Variants in DOCK1 observed in about 807,000 individuals in gnomAD.
DOCK1 encodes the protein dedicator of cytokinesis 1, also known as dedicator of cytokinesis protein 1.
Under a neutral mutation model 262.7 loss-of-function variants are expected in DOCK1, and 138 were observed. The observed-to-expected ratio is 0.53, with a 90% CI of 0.46 to 0.61. The LOEUF is 0.61. Among genes scored for constraint, DOCK1 ranks in the 20% least tolerant of loss-of-function variants. The pLI, the probability that DOCK1 is intolerant of heterozygous loss-of-function variation, is 0.00. For synonymous variants in DOCK1, 866 were observed against 867.4 expected (o/e 1.00, Z 0.03); for missense variants, 1,908 against 2,370.7 (o/e 0.80, Z 4.05).
rs2057317402 is a variant in DOCK1 at position 127,198,567 on chromosome 10, A to G, written c.2848-49441A>G. ...GACAGTGCTATCTGAGATTCGCATG[A>G]TGTATAACTCCAGGAAGAAAATGGA... On this transcript the variant is annotated intron_variant, in intron 27 of 51. Coordinates refer to ENST00000623213, the MANE Select transcript of DOCK1 (RefSeq NM_001290223.2). Among the ~76,000 whole-genome samples, 4 of 152,212 alleles carry G rather than the reference A, an allele frequency of 2.6e-5. No homozygotes were observed. The South Asian group carries it at 8.3e-4, about 31-fold the overall frequency.
At chr10:127,339,452 C>T (rs1265687071) in intron 30 of DOCK1, among the ~76,000 whole-genome samples, 1 of 152,078 alleles carries the variant, frequency 6.6e-6, no homozygotes, top group Non-Finnish European at 1.5e-5. Context: ...CAGGTCTGCA[C>T]CTCGAGCTCA....
intron 30 of DOCK1, 58 bp downstream of exon 30, chr10:127,339,142 G>C: frequency 1.4e-6 from 2 of 1,386,788 alleles, no homozygotes; most frequent in Non-Finnish European, 2.0e-6. Context: ...CAAATTGCTG[G>C]TCCGAGCCAG....
chr10:127,355,921 A>G (rs945931275), intron 32 of DOCK1, among the ~76,000 whole-genome samples: 1 of 152,208 alleles, frequency 6.6e-6, no homozygotes, highest in African/African-American at 2.4e-5. Flanking sequence ...GTTCTCAGGA[A>G]TGGAAAGCCA....
chr10:127,168,366 G>A (rs557441162), intron 27 of DOCK1, among the ~76,000 whole-genome samples: 2 of 152,398 alleles, frequency 1.3e-5, no homozygotes, highest in Admixed American at 6.5e-5. Flanking sequence ...AATAGGGAGT[G>A]CTAAGGCACA....
In DOCK1 at chr10:127,433,313, C is replaced by T. The variant is rs1336971745; in HGVS notation, c.4945C>T (p.Arg1649Cys). ...AAGTCTGGATGATAGAAGAGGCAGC[C>T]GCCCCCGGTCCATGGTGCGGTCCTT... ...PSSLDDRRGS[R>C]PRSMVRSFTM... The change falls in exon 48 of 52, where the codon CGC becomes TGC. Residue 1649 changes from arginine to cysteine, a missense_variant. Arg to Cys is a radical substitution (Grantham distance 180). This residue lies in a region of DOCK1 where 383 missense variants were observed against 420.1 expected (regional missense o/e 0.91). Transcript: ENST00000623213. 6 of 1,613,972 alleles carry T rather than the reference C, an allele frequency of 3.7e-6. No individual in the cohort carries two copies. Among genetic ancestry groups the T allele is most frequent in the Admixed American group, 3.3e-5 (2 of 60,022 alleles).
chr10:127,034,244 G>C (rs190751168), intron 18 of DOCK1, among the ~76,000 whole-genome samples: 1 of 152,294 alleles, frequency 6.6e-6, no homozygotes, highest in African/African-American at 2.4e-5. Flanking sequence ...CACAATTGTG[G>C]TGGAAGGCAA....
intron 24 of DOCK1, 62 bp downstream of exon 24, chr10:127,106,363 C>A (rs1203088049): frequency 2.0e-5 from 30 of 1,534,832 alleles, no homozygotes; most frequent in Non-Finnish European, 2.6e-5. Flanking sequence ...TCTCAGTGTG[C>A]TTAGTTTATG....
Position 127,008,803 on chromosome 10 carries a change from C to T in DOCK1, c.1057C>T (p.Pro353Ser), listed in dbSNP as rs1350178554. Reference sequence around the variant, plus strand: ...TAAGCAGCATTTCATTCCCTTTCAGCCGTAAGTATGGAGCAATTCAAGTAC... The same window carrying T: ...TAAGCAGCATTTCATTCCCTTTCAGTCGTAAGTATGGAGCAATTCAAGTAC... ...EDKQHFIPFQ[P>S]LALDDAIRHK... Residue 353 changes from proline to serine, a missense_variant and splice_region_variant, in exon 11 of 52, where the codon CCG becomes TCG. Physicochemically the swap from Pro to Ser is moderately conservative, Grantham distance 74. This residue lies in a region of DOCK1 where 102 missense variants were observed against 154.9 expected (regional missense o/e 0.66). Transcript: ENST00000623213. The T allele has an allele frequency of 1.3e-6, 2 of 1,597,454 alleles. No homozygotes were observed. The highest frequency in any genetic ancestry group is 1.1e-5 in the South Asian group (1 of 87,858).
In DOCK1 at chr10:127,242,594, T is replaced by A. The variant is rs375824340; in HGVS notation, c.2848-5414T>A. Among the ~76,000 whole-genome samples the A allele has an allele frequency of 2.6e-5, 4 of 152,228 alleles. No individual in the cohort carries two copies. The East Asian group carries it at 7.7e-4, about 29-fold the overall frequency. ...TGCTTTACAGTATTGATTCTTTGGC[T>A]TGAATGCGCCCCAAAAGAAAAATCA... On this transcript the variant is annotated intron_variant, in intron 27 of 51. Coordinates refer to ENST00000623213, the MANE Select transcript of DOCK1 (RefSeq NM_001290223.2).
At chr10:127,297,086 G>T (rs570671460) in intron 29 of DOCK1, among the ~76,000 whole-genome samples, 12 of 152,302 alleles carry the variant, frequency 7.9e-5, no homozygotes, top group African/African-American at 2.6e-4. Context: ...AGGAGGGGTG[G>T]GAGTGAGGGA....
chr10:126,974,070 G>C (rs2038319344), intron 2 of DOCK1, among the ~76,000 whole-genome samples: 1 of 152,148 alleles, frequency 6.6e-6, no homozygotes, highest in Non-Finnish European at 1.5e-5. Context: ...GCTCATGGTG[G>C]AAGTGGAAAG....
chr10:127,164,826 A>C (rs547290124), intron 27 of DOCK1, among the ~76,000 whole-genome samples: 1 of 152,300 alleles, frequency 6.6e-6, no homozygotes, highest in African/African-American at 2.4e-5. Flanking sequence ...TCCTTCCTTC[A>C]TTCATGCAGT....
intron 35 of DOCK1, among the ~76,000 whole-genome samples, chr10:127,379,588 T>C (rs1253601281): frequency 6.6e-6 from 1 of 152,264 alleles, no homozygotes; most frequent in African/African-American, 2.4e-5. Context: ...TTTTAATATA[T>C]GTGGCTACTG....
chr10:127,438,929 T>C (rs2069879804), intron 48 of DOCK1, 98 bp from the exon 49 acceptor site: 7 of 1,274,452 alleles, frequency 5.5e-6, no homozygotes, highest in Admixed American at 2.8e-5. Context: ...ACTGCTTTCA[T>C]TGTAAATGTC....
chr10:127,256,825 A>G (rs1354354054), intron 28 of DOCK1, among the ~76,000 whole-genome samples: 1 of 152,164 alleles, frequency 6.6e-6, no homozygotes, highest in East Asian at 1.9e-4. Flanking sequence ...TGCACACTCA[A>G]ATGGTTTATT....
rs375901420 is a variant in DOCK1, at chr10:127,260,389, G to A, written c.3044+2960G>A. ...TTGTTCTCTTGTTCATCGTGTACACGGACTGCAGCTGGAAAGACGTCTTGA... is the reference window on the plus strand; with the variant it reads ...TTGTTCTCTTGTTCATCGTGTACACAGACTGCAGCTGGAAAGACGTCTTGA... On this transcript the variant is annotated intron_variant, in intron 29 of 51. Coordinates refer to ENST00000623213, the MANE Select transcript of DOCK1 (RefSeq NM_001290223.2). Among the ~76,000 whole-genome samples the A allele has an allele frequency of 1.6e-4, 24 of 152,272 alleles. No individual in the cohort carries two copies. In the South Asian group the frequency reaches 4.2e-3, roughly 26 times the overall value.
chr10:126,975,454 C>T (rs2038452268), intron 2 of DOCK1, among the ~76,000 whole-genome samples: 1 of 152,150 alleles, frequency 6.6e-6, no homozygotes, highest in South Asian at 2.1e-4. Context: ...ACACTGCCAC[C>T]CACGGTGACC....
At chr10:127,081,762 C>T (rs529641468) in intron 23 of DOCK1, among the ~76,000 whole-genome samples, 78 of 152,164 alleles carry the variant, frequency 5.1e-4, no homozygotes, top group Middle Eastern at 6.8e-3. Context: ...GTGGCCCTTA[C>T]GAGTTCTTTC....
In DOCK1 at chr10:127,437,050, C is replaced by G. The variant is rs1372180257; in HGVS notation, c.5061-1977C>G. Among the ~76,000 whole-genome samples the G allele has an allele frequency of 6.6e-6, 1 of 152,174 alleles. No homozygotes were observed. The highest frequency in any genetic ancestry group is 2.4e-5 in the African/African-American group (1 of 41,436). ...CCCTATCGCATTGTTTAATTCGCGT[C>G]TCGATTCTCCATATTCCCTGCATAT... On this transcript the variant is annotated intron_variant, in intron 48 of 51. Coordinates refer to ENST00000623213, the MANE Select transcript of DOCK1 (RefSeq NM_001290223.2). This position sits in a 1 kb window ranked among gnomAD's most constrained non-coding sequence, Gnocchi z 4.4.
Sources: allele counts gnomAD v4.1 joint callset (sites outside exome capture counted in the v4.1 genomes callset), GRCh38; gene constraint gnomAD v4.1.1; regional missense constraint gnomAD v4.1.1; non-coding constraint Gnocchi (gnomAD v3.1); transcripts MANE v1.5; gene names NCBI Gene and HGNC (gene_info 2026-07-23, HGNC 2026-07-21).